Variants in CDC14B observed in about 807,000 individuals in gnomAD.
The protein encoded by CDC14B is cell division cycle 14B, also known as dual specificity protein phosphatase CDC14B.
In CDC14B, 22 loss-of-function variants were observed where a neutral mutation model predicts 64.2. The observed-to-expected ratio is 0.34, with a 90% CI of 0.24 to 0.49. The LOEUF (loss-of-function observed/expected upper bound fraction) is 0.49. CDC14B is among the 20% of genes least tolerant of loss of function. CDC14B has a pLI of 0.99. For synonymous variants in CDC14B, 191 were observed against 215.8 expected (o/e 0.89, Z 1.01); for missense variants, 498 against 629.9 (o/e 0.79, Z 2.24).
At chr9:96,614,418 A>G (rs1847502609) in intron 1 of CDC14B, among the ~76,000 whole-genome samples, 1 of 152,036 alleles carries the variant, frequency 6.6e-6, no homozygotes, top group Non-Finnish European at 1.5e-5. Flanking sequence ...CCTGGGCTCA[A>G]GCGATCTGCC....
rs1340909284 is a variant in CDC14B, at chr9:96,523,332, T to C, written c.1174A>G (p.Lys392Glu). 3 of 1,614,044 alleles carry C rather than the reference T, an allele frequency of 1.9e-6. No homozygotes were observed. The highest frequency in any genetic ancestry group is 2.5e-6 in the Non-Finnish European group (3 of 1,180,026). Residue 392 changes from lysine to glutamate, a missense_variant, in exon 11 of 14, where the codon AAA becomes GAA. Physicochemically the swap from Lys to Glu is moderately conservative, Grantham distance 56. Coordinates refer to ENST00000375241, the MANE Select transcript of CDC14B (RefSeq NM_033331.4). ...ATGTCATCAACGCCAGAGAGAAGTT[T>C]GGAGAAGGCTGCTCTGTGTTGTCCA... ...ENGQHRAAFS[K>E]LLSGVDDISI... is the part of the protein sequence containing the mutation.
At chr9:96,601,437 C>G (rs1846446271) in intron 1 of CDC14B, among the ~76,000 whole-genome samples, 1 of 147,932 alleles carries the variant, frequency 6.8e-6, no homozygotes, top group African/African-American at 2.5e-5. Context: ...GCAGAGGTTG[C>G]AGTGAGCCAA....
At chr9:96,572,806 C>T (rs1844551726) in intron 1 of CDC14B, among the ~76,000 whole-genome samples, 1 of 152,148 alleles carries the variant, frequency 6.6e-6, no homozygotes, top group South Asian at 2.1e-4. Flanking sequence ...AAAGACTGTT[C>T]CAACAGCCAA....
rs142334762 is a variant in CDC14B at position 96,611,111 on chromosome 9, A to C, written c.160+8108T>G. Reference sequence around the variant, plus strand: ...CTATAGAAAAAAAAAAAAGAGAGAGAGAAAAGGGCGTAAAACTTTCATATA... The same window carrying C: ...CTATAGAAAAAAAAAAAAGAGAGAGCGAAAAGGGCGTAAAACTTTCATATA... On this transcript the variant is annotated intron_variant, in intron 1 of 13. Coordinates refer to ENST00000375241, the MANE Select transcript of CDC14B (RefSeq NM_033331.4). Among the ~76,000 whole-genome samples, 723 of 151,922 alleles carry C rather than the reference A, an allele frequency of 4.8e-3. 9 individuals carry two copies. Among genetic ancestry groups the C allele is most frequent in the African/African-American group, 0.016 (684 of 41,464 alleles).
chr9:96,499,421 C>G (rs992602830), downstream of CDC14B, among the ~76,000 whole-genome samples: 1 of 152,198 alleles, frequency 6.6e-6, no homozygotes, highest in Non-Finnish European at 1.5e-5. Flanking sequence ...AGGGGTCTGG[C>G]GTCCGGGGTT....
chr9:96,526,107 C>T (rs1251349353), intron 9 of CDC14B, among the ~76,000 whole-genome samples: 7 of 152,118 alleles, frequency 4.6e-5, no homozygotes, highest in African/African-American at 1.7e-4. Context: ...GTGGCTCACA[C>T]CTGTAATCCC....
chr9:96,534,042 G>T lies in CDC14B; in HGVS notation c.831C>A (p.Gly277=). ...CAAAGAAAAGATCATGGTGATCGAA[G>T]CCAGCATCCGTAAAGCGTTTGGCAT... The part of the protein sequence containing the change: ...MYDAKRFTDA[G]FDHHDLFFAD... The change falls in exon 9 of 14, where the codon GGC becomes GGA. Residue 277 remains glycine, a synonymous_variant. Transcript: ENST00000375241. 5 of 1,613,056 alleles carry T rather than the reference G, an allele frequency of 3.1e-6. No individual in the cohort carries two copies. The highest frequency in any genetic ancestry group is 4.2e-6 in the Non-Finnish European group (5 of 1,179,248).
downstream of CDC14B, among the ~76,000 whole-genome samples, chr9:96,498,293 C>T (rs1833336007): frequency 6.6e-6 from 1 of 152,234 alleles, no homozygotes; most frequent in African/African-American, 2.4e-5. Context: ...TAGGTGCTCA[C>T]TAGTCCAATT....
intron 9 of CDC14B, among the ~76,000 whole-genome samples, chr9:96,532,119 A>G (rs1247981154): frequency 2.0e-5 from 3 of 152,208 alleles, no homozygotes; most frequent in Non-Finnish European, 4.4e-5. Flanking sequence ...AGTTACAGTA[A>G]TAATATTTTA....
At chr9:96,556,561 A>G (rs1842527569) in intron 4 of CDC14B, among the ~76,000 whole-genome samples, 1 of 152,200 alleles carries the variant, frequency 6.6e-6, no homozygotes, top group Non-Finnish European at 1.5e-5. Flanking sequence ...TTATATTTCA[A>G]TAGTTTTAAC....
At chr9:96,588,964 A>G (rs1490348587) in intron 1 of CDC14B, among the ~76,000 whole-genome samples, 1 of 152,226 alleles carries the variant, frequency 6.6e-6, no homozygotes, top group African/African-American at 2.4e-5. Flanking sequence ...TAGTTATCAT[A>G]GACAAAATAC....
Position 96,534,400 on chromosome 9 carries a change from T to C in CDC14B, c.715+55A>G. The C allele has an allele frequency of 9.3e-6, 12 of 1,286,560 alleles. No homozygotes were observed. The South Asian group carries it at 1.5e-4, about 16-fold the overall frequency. The allele number at this position is 1,286,560 out of a possible 1,614,324, so 79.7% of individuals were successfully genotyped here. A position where few individuals can be genotyped will look rare whatever the true frequency, so the allele number is the denominator to read the frequency against. ...TTGGTGTAACTCTTTCAAAAGAAAA[T>C]ATAGGATAGATATTTTCAATAACAA... is the stretch of plus-strand genomic sequence containing the variant. On this transcript the variant is annotated intron_variant, in intron 8 of 13. Transcript: ENST00000375241.
At chr9:96,607,158 T>TAATAA (rs1847005689) in intron 1 of CDC14B, among the ~76,000 whole-genome samples, 1 of 152,098 alleles carries the variant, frequency 6.6e-6, no homozygotes, top group Non-Finnish European at 1.5e-5. Flanking sequence ...ATATCTTTAT[T>TAATAA]TTGGAAATTC....
intron 6 of CDC14B, among the ~76,000 whole-genome samples, chr9:96,540,816 TG>T (rs1296426028): frequency 6.6e-6 from 1 of 152,114 alleles, no homozygotes; most frequent in Non-Finnish European, 1.5e-5. Context: ...GCCCCATACC[TG>T]CCCACACTGA....
intron 9 of CDC14B, among the ~76,000 whole-genome samples, chr9:96,524,217 C>T (rs1837221445): frequency 6.6e-6 from 1 of 152,212 alleles, no homozygotes; most frequent in South Asian, 2.1e-4. Context: ...TGGTATTATA[C>T]ACTTGAGCCA....
At chr9:96,513,199 G>A (rs545116857) in intron 12 of CDC14B, among the ~76,000 whole-genome samples, 2 of 152,302 alleles carry the variant, frequency 1.3e-5, no homozygotes, top group East Asian at 1.9e-4. Context: ...AAAACCAAGA[G>A]AATGATAGAA....
chr9:96,561,873 C>A (rs557363174), intron 4 of CDC14B, among the ~76,000 whole-genome samples: 55 of 152,170 alleles, frequency 3.6e-4, no homozygotes, highest in Non-Finnish European at 6.5e-4. Context: ...CCTGGCTACT[C>A]CCCACTGAAC....
chr9:96,563,435 A>T (rs1843483448), intron 3 of CDC14B, among the ~76,000 whole-genome samples: 1 of 152,118 alleles, frequency 6.6e-6, no homozygotes, highest in South Asian at 2.1e-4. Context: ...GATGGATCAC[A>T]AAGTCAGGAG....
intron 1 of CDC14B, among the ~76,000 whole-genome samples, chr9:96,616,593 G>A (rs992739726): frequency 2.6e-5 from 4 of 151,670 alleles, no homozygotes; most frequent in Non-Finnish European, 5.9e-5. Context: ...GCATGGTGGC[G>A]GGCGCCTGTA....
Sources: gnomAD v4.1 joint callset for allele counts (sites outside exome capture counted in the v4.1 genomes callset) on GRCh38, gnomAD v4.1.1 for gene constraint, MANE v1.5 for transcripts, NCBI Gene and HGNC (gene_info 2026-07-23, HGNC 2026-07-21) for gene names.